The following TICAM2 variants were observed in gnomAD, a reference collection of about 807,000 sequenced individuals.
The protein encoded by TICAM2 is TIR domain containing adaptor molecule 2.
TICAM2 carries 8 observed loss-of-function variants against 7.3 expected under a neutral mutation model. That is an observed-to-expected ratio of 1.10 (90% CI 0.65 to 1.99). The LOEUF (loss-of-function observed/expected upper bound fraction) is 1.99, where lower values mean the gene tolerates loss of function less well. Ranked by LOEUF, TICAM2 falls within the 30% of genes most tolerant of loss-of-function variation. The pLI, the probability that TICAM2 is intolerant of heterozygous loss-of-function variation, is 0.00. For missense variants in TICAM2, 304 were observed against 278.8 expected (o/e 1.09, Z -0.65); for synonymous variants, 113 against 99.6 (o/e 1.13, Z -0.80).
chr5:115,599,587 T>G (rs115006694), intron 1 of TICAM2, among the ~76,000 whole-genome samples: 1 of 152,190 alleles, frequency 6.6e-6, no homozygotes, highest in Non-Finnish European at 1.5e-5. Flanking sequence ...CAGTATTTAA[T>G]AGCAACCTAC....
intron 1 of TICAM2, among the ~76,000 whole-genome samples, chr5:115,594,498 A>G (rs890201647): frequency 2.0e-5 from 3 of 152,236 alleles, no homozygotes; most frequent in Non-Finnish European, 2.9e-5. Flanking sequence ...TCAGCTTAGG[A>G]GACTAAGTTC....
intron 1 of TICAM2, among the ~76,000 whole-genome samples, chr5:115,596,458 C>G (rs919374034): frequency 6.6e-6 from 1 of 152,182 alleles, no homozygotes. Flanking sequence ...CACTTTGTTC[C>G]TCCAGCTCCC....
Position 115,580,541 on chromosome 5 carries a change from G to A in TICAM2, c.*8C>T. 1 of 1,578,616 alleles carries A rather than the reference G, an allele frequency of 6.3e-7. No homozygotes were observed. The highest frequency in any genetic ancestry group is 8.6e-7 in the Non-Finnish European group (1 of 1,167,508). ...AACAAGAGCCAGCCACATGTTATAT[G>A]TTTCATCTCAGGCAATAAATTGTCT... is the stretch of plus-strand genomic sequence containing the variant. On this transcript the variant is annotated 3_prime_UTR_variant, in exon 2 of 2. Coordinates refer to ENST00000427199, the MANE Select transcript of TICAM2 (RefSeq NM_021649.7).
intron 1 of TICAM2, among the ~76,000 whole-genome samples, chr5:115,592,567 C>G (rs1217598882): frequency 6.6e-6 from 1 of 151,798 alleles, no homozygotes; most frequent in South Asian, 2.1e-4. Context: ...AATCCAGGTT[C>G]AAATAGTAGC....
intron 1 of TICAM2, among the ~76,000 whole-genome samples, chr5:115,583,109 T>C (rs1192869893): frequency 6.6e-6 from 1 of 152,188 alleles, no homozygotes; most frequent in Non-Finnish European, 1.5e-5. Flanking sequence ...ACTCTCTTCA[T>C]TGATTAGGAT....
At chr5:115,593,074 C>T (rs887181243) in intron 1 of TICAM2, among the ~76,000 whole-genome samples, 2 of 152,100 alleles carry the variant, frequency 1.3e-5, no homozygotes, top group Non-Finnish European at 1.5e-5. Flanking sequence ...ACCCAGGAGG[C>T]GGAGGTTGCA....
intron 1 of TICAM2, among the ~76,000 whole-genome samples, chr5:115,595,126 G>T (rs1755459588): frequency 6.6e-6 from 1 of 152,088 alleles, no homozygotes; most frequent in Non-Finnish European, 1.5e-5. Context: ...TTTGCTTACT[G>T]GGTCAAGCGA....
chr5:115,593,466 C>T (rs1755388318), intron 1 of TICAM2, among the ~76,000 whole-genome samples: 1 of 151,442 alleles, frequency 6.6e-6, no homozygotes, highest in Non-Finnish European at 1.5e-5. Flanking sequence ...TATATCTAAC[C>T]AAAAAAGGGG....
intron 1 of TICAM2, among the ~76,000 whole-genome samples, chr5:115,596,616 T>C (rs561508432): frequency 1.3e-5 from 2 of 152,174 alleles, no homozygotes; most frequent in South Asian, 4.1e-4. Flanking sequence ...ATCATAAAAG[T>C]CTCCCCAAAA....
rs1754906248 is a variant in TICAM2 at position 115,581,101 on chromosome 5, T to G, written c.156A>C (p.Thr52=). 3 of 1,614,088 alleles carry G rather than the reference T, an allele frequency of 1.9e-6. No individual in the cohort carries two copies. The highest frequency in any genetic ancestry group is 3.3e-5 in the Admixed American group (2 of 60,004). The change falls in exon 2 of 2, where the codon ACA becomes ACC. Residue 52 remains threonine, a synonymous_variant. Transcript: ENST00000427199. The part of the protein sequence containing the change: ...LCNVAEHSNT[T]EGPTGKQEGA... ...CCTCCTGCTTTCCTGTTGGCCCCTCTGTTGTATTGCTGTGCTCAGCAACAT... is the reference window on the plus strand; with the variant it reads ...CCTCCTGCTTTCCTGTTGGCCCCTCGGTTGTATTGCTGTGCTCAGCAACAT...
intron 1 of TICAM2, among the ~76,000 whole-genome samples, chr5:115,598,712 A>G (rs1489215083): frequency 6.6e-6 from 1 of 152,164 alleles, no homozygotes; most frequent in African/African-American, 2.4e-5. Flanking sequence ...TTAATCTTAT[A>G]TTGGAAATAT....
Position 115,585,983 on chromosome 5 carries a change from A to G in TICAM2, c.-59-4668T>C, listed in dbSNP as rs942703898. On this transcript the variant is annotated intron_variant, in intron 1 of 1. Transcript: ENST00000427199. ...GGCTAAATTTGGGGCATATTTTGAA[A>G]GTAGAACTGAGAAGATTTGCTGATG... Among the ~76,000 whole-genome samples, 5 of 152,214 alleles carry G rather than the reference A, an allele frequency of 3.3e-5. No homozygotes were observed. The East Asian group carries it at 9.6e-4, about 29-fold the overall frequency.
chr5:115,580,369 T>G lies in TICAM2; in HGVS notation c.*180A>C. 1.2e-6 allele frequency: 1 copy of G among 803,184 alleles called. No individual in the cohort carries two copies. Among genetic ancestry groups the G allele is most frequent in the Non-Finnish European group, 1.7e-6 (1 of 580,960 alleles). The allele number at this position is 803,184 out of a possible 1,614,324, so 49.8% of individuals were successfully genotyped here. ...TGACAATGTCAAGTTTACTGAAACATCAAAAAGTACCACAATTTTATAGGC... is the reference window on the plus strand; with the variant it reads ...TGACAATGTCAAGTTTACTGAAACAGCAAAAAGTACCACAATTTTATAGGC... On this transcript the variant is annotated 3_prime_UTR_variant, in exon 2 of 2. Coordinates refer to ENST00000427199, the MANE Select transcript of TICAM2 (RefSeq NM_021649.7).
chr5:115,588,395 G>A (rs1175353127), intron 1 of TICAM2, among the ~76,000 whole-genome samples: 1 of 152,112 alleles, frequency 6.6e-6, no homozygotes, highest in Non-Finnish European at 1.5e-5. Context: ...GTGACCTATG[G>A]GACTTCACGT....
At position 115,581,104 on chromosome 5, in the gene TICAM2, TG is replaced by T. The variant is rs1281680757; in HGVS notation, c.152del (p.Thr51LysfsTer32). The T allele has an allele frequency of 1.9e-6, 3 of 1,614,080 alleles. No individual in the cohort carries two copies. In the East Asian group the frequency reaches 6.7e-5, roughly 36 times the overall value. On this transcript the variant is annotated frameshift_variant, in exon 2 of 2. Transcript: ENST00000427199. LOFTEE classifies it low-confidence loss of function (END_TRUNC). Reference protein sequence around the residue: ...SLCNVAEHSNTTEGPTGKQEG... With the variant: ...SLCNVAEHSNXTEGPTGKQEG... ...CCTGCTTTCCTGTTGGCCCCTCTGT[TG>T]TATTGCTGTGCTCAGCAACATTACA...
chr5:115,595,163 C>T (rs953336766), intron 1 of TICAM2, among the ~76,000 whole-genome samples: 4 of 152,114 alleles, frequency 2.6e-5, no homozygotes, highest in Admixed American at 6.5e-5. Context: ...AATAGGTACT[C>T]AATAAGCACA....
chr5:115,579,253 T>C lies in TICAM2; in HGVS notation c.*1296A>G, dbSNP rs1483695835. ...ATCACTTTATCGAATCCAAACTTTT[T>C]TGCTTGTTCCCTTTTGTGGTCCCTA... is the stretch of plus-strand genomic sequence containing the variant. On this transcript the variant is annotated 3_prime_UTR_variant, in exon 2 of 2. Coordinates refer to ENST00000427199, the MANE Select transcript of TICAM2 (RefSeq NM_021649.7). The C allele has an allele frequency of 6.6e-6, 1 of 152,664 alleles. No homozygotes were observed. Among genetic ancestry groups the C allele is most frequent in the Admixed American group, 6.5e-5 (1 of 15,282 alleles). 9.5% of individuals were successfully genotyped at this position (152,664 alleles called of 1,614,324 possible).
chr5:115,587,805 T>A (rs1435339158), intron 1 of TICAM2, among the ~76,000 whole-genome samples: 1 of 152,078 alleles, frequency 6.6e-6, no homozygotes, highest in Non-Finnish European at 1.5e-5. Flanking sequence ...TAAAAGAGCA[T>A]CTTAGATTGG....
At chr5:115,594,666 C>T (rs1755438477) in intron 1 of TICAM2, among the ~76,000 whole-genome samples, 1 of 152,078 alleles carries the variant, frequency 6.6e-6, no homozygotes, top group Non-Finnish European at 1.5e-5. Context: ...GTGACAGTGG[C>T]TAGACCTGTT....
Sources: allele counts gnomAD v4.1 joint callset (sites outside exome capture counted in the v4.1 genomes callset), GRCh38; gene constraint gnomAD v4.1.1; transcripts MANE v1.5; gene names NCBI Gene and HGNC (gene_info 2026-07-23, HGNC 2026-07-21).